The following PSPC1 variants were observed in gnomAD, a reference collection of about 807,000 sequenced individuals.
PSPC1 encodes the protein paraspeckle protein 1.
PSPC1 carries 14 observed loss-of-function variants against 51.6 expected under a neutral mutation model. The observed-to-expected ratio is 0.27, with a 90% CI of 0.18 to 0.42. PSPC1 has a LOEUF of 0.42. PSPC1 is among the 10% of genes least tolerant of loss of function. PSPC1 has a pLI of 1.00. For synonymous variants in PSPC1, 193 were observed against 231.9 expected (o/e 0.83, Z 1.53); for missense variants, 406 against 701.1 (o/e 0.58, Z 4.75).
downstream of PSPC1, chr13:19,671,931 G>C (rs1876154127): frequency 1.3e-6 from 2 of 1,558,928 alleles, no homozygotes; most frequent in Middle Eastern, 3.3e-4. Flanking sequence ...TACTCTCTTT[G>C]ACAGCAGTTT....
chr13:19,725,623 CAAACA>C (rs936445257), intron 6 of PSPC1, among the ~76,000 whole-genome samples: 5 of 149,248 alleles, frequency 3.4e-5, no homozygotes, highest in African/African-American at 7.4e-5. Context: ...CAAAACAAAA[CAAACA>C]AAAAAAAGTG....
chr13:19,678,042 C>G (rs1489290447), intron 6 of PSPC1: 1 of 335,828 alleles, frequency 3.0e-6, no homozygotes, highest in Non-Finnish European at 5.8e-6. Context: ...TTAAAATCAG[C>G]TTCATTTTAT....
intron 2 of PSPC1, among the ~76,000 whole-genome samples, chr13:19,760,910 T>C (rs1409770871): frequency 1.3e-5 from 2 of 150,852 alleles, no homozygotes; most frequent in African/African-American, 4.9e-5. Context: ...ATCGCTTGAA[T>C]CCGGGAGACG....
At chr13:19,704,228 T>C (rs1841484322) in intron 8 of PSPC1, among the ~76,000 whole-genome samples, 1 of 152,278 alleles carries the variant, frequency 6.6e-6, no homozygotes, top group African/African-American at 2.4e-5. Flanking sequence ...TTCAAACATA[T>C]CACTATAAAA....
intron 5 of PSPC1, among the ~76,000 whole-genome samples, chr13:19,730,626 C>CA (rs34976788): frequency 6.6e-6 from 1 of 151,652 alleles, no homozygotes; most frequent in African/African-American, 2.4e-5. Context: ...AATTGAGAGT[C>CA]AAAAAAAGCT....
intron 5 of PSPC1, among the ~76,000 whole-genome samples, chr13:19,740,848 C>G (rs1885367112): frequency 6.6e-6 from 1 of 151,970 alleles, no homozygotes; most frequent in African/African-American, 2.4e-5. Context: ...CCCCATAACC[C>G]CTTTTAACAC....
intron 6 of PSPC1, among the ~76,000 whole-genome samples, chr13:19,725,720 A>C (rs567810220): frequency 6.6e-6 from 1 of 152,330 alleles, no homozygotes; most frequent in South Asian, 2.1e-4. Flanking sequence ...AATTAAAATT[A>C]TTAGAACTAT....
At chr13:19,731,063 C>T (rs1477469706) in intron 5 of PSPC1, among the ~76,000 whole-genome samples, 4 of 151,412 alleles carry the variant, frequency 2.6e-5, no homozygotes, top group African/African-American at 9.7e-5. Flanking sequence ...AGATAAGCCA[C>T]CTCAAAAAAC....
intron 2 of PSPC1, among the ~76,000 whole-genome samples, chr13:19,771,310 C>T (rs1566051991): frequency 6.6e-6 from 1 of 151,542 alleles, no homozygotes; most frequent in African/African-American, 2.4e-5. Flanking sequence ...GCTAATTCCT[C>T]ATATTTTTAG....
chr13:19,746,911 A>G (rs1450677267), intron 4 of PSPC1, among the ~76,000 whole-genome samples: 1 of 152,154 alleles, frequency 6.6e-6, no homozygotes, highest in African/African-American at 2.4e-5. Flanking sequence ...GGAGTTCGAG[A>G]CCAGCCTGAC....
intron 6 of PSPC1, among the ~76,000 whole-genome samples, chr13:19,693,714 T>C (rs7996928): frequency 0.1 from 15,466 of 152,216 alleles, 907 homozygotes; most frequent in African/African-American, 0.16. Flanking sequence ...TAAAACTTGA[T>C]GTGTACGATT....
At chr13:19,777,185 T>C (rs537650223) in intron 1 of PSPC1, among the ~76,000 whole-genome samples, 37 of 144,922 alleles carry the variant, frequency 2.6e-4, no homozygotes, top group African/African-American at 9.2e-4. Flanking sequence ...ATCCCAGCAC[T>C]TTGGGAGGCT....
At chr13:19,689,278 A>T (rs532326410) in intron 6 of PSPC1, among the ~76,000 whole-genome samples, 1 of 152,328 alleles carries the variant, frequency 6.6e-6, no homozygotes, top group South Asian at 2.1e-4. Context: ...AAGCAAAATA[A>T]AAACAGGATG....
intron 3 of PSPC1, among the ~76,000 whole-genome samples, chr13:19,753,591 T>G (rs1214093747): frequency 6.6e-6 from 1 of 152,128 alleles, no homozygotes; most frequent in African/African-American, 2.4e-5. Flanking sequence ...AGCCTGTATT[T>G]AAAAGTACTC....
chr13:19,729,046 G>A (rs986878865), intron 6 of PSPC1, among the ~76,000 whole-genome samples: 1 of 152,064 alleles, frequency 6.6e-6, no homozygotes, highest in Admixed American at 6.6e-5. Flanking sequence ...AGCACCATCA[G>A]TATCTCTGTG....
chr13:19,755,377 C>T (rs1886967473), intron 3 of PSPC1, among the ~76,000 whole-genome samples: 1 of 152,120 alleles, frequency 6.6e-6, no homozygotes, highest in South Asian at 2.1e-4. Flanking sequence ...ATCACAAGGT[C>T]GGGAGTTCGA....
intron 3 of PSPC1, among the ~76,000 whole-genome samples, 174 bp downstream of exon 3, chr13:19,759,149 C>CA (rs60521133): frequency 0.086 from 13,001 of 150,866 alleles, 604 homozygotes; most frequent in Middle Eastern, 0.13. Flanking sequence ...GATACTATCT[C>CA]AAAAAAAACA....
At chr13:19,683,768 T>C (rs1367172875) in intron 6 of PSPC1, among the ~76,000 whole-genome samples, 1 of 152,128 alleles carries the variant, frequency 6.6e-6, no homozygotes, top group Non-Finnish European at 1.5e-5. Flanking sequence ...TTTAGATAAA[T>C]ATTAAAGAAA....
chr13:19,730,323 C>G lies in PSPC1; in HGVS notation c.1074G>C (p.Arg358=). 1 of 1,614,066 alleles carries G rather than the reference C, an allele frequency of 6.2e-7. No individual in the cohort carries two copies. Among genetic ancestry groups the G allele is most frequent in the Non-Finnish European group, 8.5e-7 (1 of 1,180,000 alleles). The change falls in exon 6 of 9, where the codon CGG becomes CGC. Residue 358 remains arginine, a synonymous_variant. Coordinates refer to ENST00000338910, the MANE Select transcript of PSPC1 (RefSeq NM_001354909.2). ...TGTGTCGGATCATTTCTTCCTCACG[C>G]CGCCGATGCTCCTCTTCATGTCTGA... The part of the protein sequence containing the change: ...IQLRHEEEHR[R]REEEMIRHRE...
Sources: gnomAD v4.1 joint callset for allele counts (sites outside exome capture counted in the v4.1 genomes callset) on GRCh38, gnomAD v4.1.1 for gene constraint, MANE v1.5 for transcripts, NCBI Gene and HGNC (gene_info 2026-07-23, HGNC 2026-07-21) for gene names.